Variants in KLHDC2 observed in about 807,000 individuals in gnomAD.
KLHDC2 encodes the protein kelch domain containing 2.
Under a neutral mutation model 62.3 loss-of-function variants are expected in KLHDC2, and 38 were observed. The ratio of observed to expected loss-of-function variants is 0.61; its 90% confidence interval spans 0.47 to 0.80. The LOEUF is 0.80. Among genes scored for constraint, KLHDC2 ranks in the 30% least tolerant of loss-of-function variants. KLHDC2 has a pLI of 0.00. For synonymous variants in KLHDC2, 159 were observed against 161.0 expected, an observed-to-expected ratio of 0.99 and a Z score of 0.09; for missense variants, 430 against 495.3, an observed-to-expected ratio of 0.87 and a Z score of 1.25.
At chr14:49,772,158 A>G (rs555675425) in intron 2 of KLHDC2, among the ~76,000 whole-genome samples, 1 of 152,320 alleles carries the variant, frequency 6.6e-6, no homozygotes, top group East Asian at 1.9e-4. Flanking sequence ...ATAAATTTCT[A>G]TCTCAAGTAT....
Position 49,785,075 on chromosome 14 carries a change from AAAAC to A in KLHDC2, c.*2126_*2129del. The stretch of plus-strand genomic sequence containing the variant: ...GAACTGTTTAAAATCATAATTCAAA[AAAAC>A]AAATTTAAATACCTTTTCCCTTTTT... On this transcript the variant is annotated 3_prime_UTR_variant, in exon 13 of 13. Transcript: ENST00000298307. 1 of 1,608,276 alleles carries A rather than the reference AAAAC, an allele frequency of 6.2e-7. No individual in the cohort carries two copies. Among genetic ancestry groups the A allele is most frequent in the Admixed American group, 1.7e-5 (1 of 59,856 alleles).
At chr14:49,782,744 G>A in intron 12 of KLHDC2, 86 bp from the exon 13 acceptor site, 1 of 1,478,696 alleles carries the variant, frequency 6.8e-7, no homozygotes, top group Non-Finnish European at 9.2e-7. Flanking sequence ...AAGAAAGAAA[G>A]AGGGATGTTT....
In KLHDC2 at chr14:49,783,057, C is replaced by T; in HGVS notation, c.*104C>T. The T allele has an allele frequency of 7.9e-7, 1 of 1,270,770 alleles. No homozygotes were observed. The highest frequency in any genetic ancestry group is 2.4e-5 in the Admixed American group (1 of 41,616). The allele number at this position is 1,270,770 out of a possible 1,614,324, so 78.7% of individuals were successfully genotyped here. On this transcript the variant is annotated 3_prime_UTR_variant, in exon 13 of 13. Coordinates refer to ENST00000298307, the MANE Select transcript of KLHDC2 (RefSeq NM_014315.3). ...ATTATATGCATTGTTGTAGTTTGCA[C>T]CTGTTGGTTTTAATGTGCATGTGAA...
Position 49,785,516 on chromosome 14 carries a change from C to A in KLHDC2, c.*2563C>A. On this transcript the variant is annotated 3_prime_UTR_variant, in exon 13 of 13. Coordinates refer to ENST00000298307, the MANE Select transcript of KLHDC2 (RefSeq NM_014315.3). Reference sequence around the variant, plus strand: ...GACCAATGTTTAAATATATTCTTTACTACTTAATTTTTGCCTAGCATAATA... The same window carrying A: ...GACCAATGTTTAAATATATTCTTTAATACTTAATTTTTGCCTAGCATAATA... The A allele has an allele frequency of 1.9e-6, 1 of 521,672 alleles. No homozygotes were observed. 32.3% of individuals were successfully genotyped at this position (521,672 alleles called of 1,614,324 possible). A position where few individuals can be genotyped will look rare whatever the true frequency, so the allele number is the denominator to read the frequency against.
rs1375303426 is a variant in KLHDC2 at position 49,778,182 on chromosome 14, A to G, written c.472A>G (p.Ile158Val). The G allele has an allele frequency of 5.0e-6, 8 of 1,595,576 alleles. No individual in the cohort carries two copies. The Admixed American group carries it at 1.2e-4, about 24-fold the overall frequency. Residue 158 changes from isoleucine (I) to valine (V), a missense_variant, in exon 5 of 13, where the codon ATA becomes GTA. Ile to Val is a conservative substitution (Grantham distance 29, BLOSUM62 3). Transcript: ENST00000298307. ...LGVWVYKNKL[I>V]FFGGYGYLPE... ...TCTTGGTTTTTCATCCAACAGGTTA[A>G]TATTTTTTGGAGGGTATGGATATTT...
chr14:49,768,739 C>T, intron 1 of KLHDC2, 118 bp downstream of exon 1: 1 of 962,514 alleles, frequency 1.0e-6, no homozygotes, highest in Non-Finnish European at 1.5e-6. Context: ...GCGTCGCGCG[C>T]CCCACCTCAG....
chr14:49,771,786 C>T (rs759520140), intron 2 of KLHDC2, 113 bp downstream of exon 2: 3 of 600,428 alleles, frequency 5.0e-6, no homozygotes, highest in East Asian at 6.0e-5. Flanking sequence ...GCGGATCTCT[C>T]GAGGTCAAGA....
chr14:49,775,123 T>C (rs1028075718), intron 3 of KLHDC2, among the ~76,000 whole-genome samples: 11 of 152,298 alleles, frequency 7.2e-5, no homozygotes, highest in Non-Finnish European at 1.6e-4. Context: ...CCAAAGACAA[T>C]GCTGTTCAGA....
intron 6 of KLHDC2, among the ~76,000 whole-genome samples, chr14:49,778,798 A>G (rs2139798767): frequency 6.7e-6 from 1 of 149,496 alleles, no homozygotes; most frequent in African/African-American, 2.5e-5. Flanking sequence ...ATCTCTGCTT[A>G]CTGCAATCTC....
In KLHDC2 at chr14:49,784,606, C is replaced by T; in HGVS notation, c.*1653C>T. On this transcript the variant is annotated 3_prime_UTR_variant, in exon 13 of 13. Coordinates refer to ENST00000298307, the MANE Select transcript of KLHDC2 (RefSeq NM_014315.3). ...CTTCCAAAAGGCTATAAAATTGGCT[C>T]TTCTCAAATATTTTAGAATTTCATT... 6.5e-7 allele frequency: 1 copy of T among 1,526,806 alleles called. No homozygotes were observed. The highest frequency in any genetic ancestry group is 9.0e-7 in the Non-Finnish European group (1 of 1,107,814). The allele number at this position is 1,526,806 out of a possible 1,614,324, so 94.6% of individuals were successfully genotyped here. A position where few individuals can be genotyped will look rare whatever the true frequency, so the allele number is the denominator to read the frequency against.
chr14:49,779,990 A>G, intron 8 of KLHDC2, 184 bp downstream of exon 8: 1 of 618,356 alleles, frequency 1.6e-6, no homozygotes, highest in Non-Finnish European at 2.8e-6. Flanking sequence ...CTATGTGCCT[A>G]GTACATAGCA....
At chr14:49,781,356 T>G (rs1288489134) in intron 10 of KLHDC2, among the ~76,000 whole-genome samples, 8 of 81,546 alleles carry the variant, frequency 9.8e-5, no homozygotes, top group Non-Finnish European at 1.1e-4. Flanking sequence ...GCAACAAGAG[T>G]GAAACTCTGT....
chr14:49,775,434 G>T lies in KLHDC2; in HGVS notation c.351+756G>T, dbSNP rs545962175. 5.9e-5 allele frequency among the ~76,000 whole-genome samples: 9 copies of T among 152,276 alleles called. No homozygotes were observed. The East Asian group carries it at 1.7e-3, about 29-fold the overall frequency. The stretch of plus-strand genomic sequence containing the variant: ...CCACTGCAGTAGCACCTGCTAGAGA[G>T]ATACACAGCACCTGGCATATAGAAA... On this transcript the variant is annotated intron_variant, in intron 3 of 12. Transcript: ENST00000298307.
In KLHDC2 at chr14:49,783,002, T is replaced by C. The variant is rs1328017764; in HGVS notation, c.*49T>C. On this transcript the variant is annotated 3_prime_UTR_variant, in exon 13 of 13. Transcript: ENST00000298307. Reference sequence around the variant, plus strand: ...TCACCTTGCATGGACAGCAATCCTGTAAACATCACAGAGTGGCATCATTTG... The same window carrying C: ...TCACCTTGCATGGACAGCAATCCTGCAAACATCACAGAGTGGCATCATTTG... 6.3e-7 allele frequency: 1 copy of C among 1,575,884 alleles called. No individual in the cohort carries two copies. The highest frequency in any genetic ancestry group is 8.6e-7 in the Non-Finnish European group (1 of 1,156,908).
intron 10 of KLHDC2, among the ~76,000 whole-genome samples, chr14:49,781,219 T>C (rs970536249): frequency 5.3e-5 from 8 of 151,570 alleles, no homozygotes; most frequent in South Asian, 4.2e-4. Context: ...AATGCAAAAT[T>C]AGCTGGGCGT....
intron 9 of KLHDC2, 104 bp downstream of exon 9, chr14:49,780,426 T>C (rs552198266): frequency 7.5e-6 from 6 of 798,316 alleles, no homozygotes; most frequent in South Asian, 6.1e-5. Flanking sequence ...ATAGGGTTGG[T>C]TGGAAGGTTT....
chr14:49,780,086 A>C, intron 8 of KLHDC2, 127 bp from the exon 9 acceptor site: 1 of 667,220 alleles, frequency 1.5e-6, no homozygotes, highest in Non-Finnish European at 2.6e-6. Context: ...TGTAGTTTAT[A>C]CCAAGAAGCC....
chr14:49,784,460 T>C lies in KLHDC2; in HGVS notation c.*1507T>C. 1.8e-6 allele frequency: 1 copy of C among 550,066 alleles called. No individual in the cohort carries two copies. Among genetic ancestry groups the C allele is most frequent in the African/African-American group, 1.9e-5 (1 of 52,350 alleles). 34.1% of individuals were successfully genotyped at this position (550,066 alleles called of 1,614,324 possible). A position where few individuals can be genotyped will look rare whatever the true frequency, so the allele number is the denominator to read the frequency against. ...TTTGGAAATCCTATCATAGACAGTGTTTCCTCTATATAAAACTGGGAAAAA... is the reference window on the plus strand; with the variant it reads ...TTTGGAAATCCTATCATAGACAGTGCTTCCTCTATATAAAACTGGGAAAAA... On this transcript the variant is annotated 3_prime_UTR_variant, in exon 13 of 13. Coordinates refer to ENST00000298307, the MANE Select transcript of KLHDC2 (RefSeq NM_014315.3).
rs1890097789 is a variant in KLHDC2, at chr14:49,785,014, C to CA, written c.*2067dup. The CA allele has an allele frequency of 1.9e-6, 3 of 1,611,278 alleles. No homozygotes were observed. In the East Asian group the frequency reaches 6.7e-5, roughly 36 times the overall value. Reference sequence around the variant, plus strand: ...AAGGCTGTTTTTGCAGCTGTAAATACAAAAAAGAGTAAGAATAATCTACTG... The same window carrying CA: ...AAGGCTGTTTTTGCAGCTGTAAATACAAAAAAAGAGTAAGAATAATCTACTG... On this transcript the variant is annotated 3_prime_UTR_variant, in exon 13 of 13. Transcript: ENST00000298307.
Sources: gnomAD v4.1 joint callset for allele counts (sites outside exome capture counted in the v4.1 genomes callset) on GRCh38, gnomAD v4.1.1 for gene constraint, MANE v1.5 for transcripts, NCBI Gene and HGNC (gene_info 2026-07-23, HGNC 2026-07-21) for gene names.